MUC3A: variants seen among roughly 807,000 people sequenced by gnomAD.
MUC3A encodes mucin-3A.
Under a neutral mutation model 109.0 loss-of-function variants are expected in MUC3A, and 109 were observed. The ratio of observed to expected loss-of-function variants is 1.00; its 90% CI spans 0.86 to 1.17. MUC3A has a LOEUF of 1.17. Ranked by LOEUF, MUC3A falls within the 50% of genes most tolerant of loss-of-function variation. MUC3A has a pLI of 0.00. For missense variants in MUC3A, 3,537 were observed against 2,469.4 expected, an observed-to-expected ratio of 1.43 and a Z score of -9.16; for synonymous variants, 1,398 against 981.4, an observed-to-expected ratio of 1.42 and a Z score of -7.93.
chr7:100,958,871 C>T lies in MUC3A; in HGVS notation c.7092C>T (p.Thr2364=). 6.3e-7 allele frequency: 1 copy of T among 1,593,362 alleles called. No individual in the cohort carries two copies. Among genetic ancestry groups the T allele is most frequent in the Non-Finnish European group, 8.5e-7 (1 of 1,176,266 alleles). Residue 2364 remains threonine (T), a synonymous_variant, in exon 2 of 12, where the codon ACC becomes ACT. Transcript: ENST00000379458. Reference sequence around the variant, plus strand: ...CCAGCTTCACTTCTTCGATCACCACCACCGAGACCACCTCACACAGTACTC... The same window carrying T: ...CCAGCTTCACTTCTTCGATCACCACTACCGAGACCACCTCACACAGTACTC... ...STTSFTSSIT[T]TETTSHSTPS... is the part of the protein sequence containing the mutation.
chr7:100,958,646 C>G lies in MUC3A; in HGVS notation c.6867C>G (p.Ser2289Arg), dbSNP rs74978502. The change falls in exon 2 of 12, where the codon AGC becomes AGG. Residue 2289 changes from serine (S) to arginine (R), a missense_variant. Coordinates refer to ENST00000379458, the MANE Select transcript of MUC3A (RefSeq NM_005960.2). ...TSETPSHSTPSSTSLITTTKT... is the reference protein window; with the variant it reads ...TSETPSHSTPRSTSLITTTKT... ...AGACCCCCTCACACAGTACTCCCAG[C>G]TCCACTTCTTTAATCACCACCACCA... The G allele has an allele frequency of 4.5e-6, 6 of 1,339,762 alleles. No homozygotes were observed. The highest frequency in any genetic ancestry group is 5.9e-6 in the Non-Finnish European group (6 of 1,009,784). 83.0% of individuals were successfully genotyped at this position (1,339,762 alleles called of 1,614,324 possible).
At position 100,955,190 on chromosome 7, in the gene MUC3A, A is replaced by G; in HGVS notation, c.3411A>G (p.Thr1137=). ...TTETATMTPT[T]TLITTTPNTT... is the part of the protein sequence containing the mutation. ...AAACAGCCACGATGACTCCTACCACAACCTTGATAACCACCACCCCTAATA... is the reference window on the plus strand; with the variant it reads ...AAACAGCCACGATGACTCCTACCACGACCTTGATAACCACCACCCCTAATA... The change falls in exon 2 of 12, where the codon ACA becomes ACG. Residue 1137 remains threonine (T), a synonymous_variant. Transcript: ENST00000379458. The G allele has an allele frequency of 2.0e-6, 1 of 491,584 alleles. No individual in the cohort carries two copies. The allele number at this position is 491,584 out of a possible 1,614,324, so 30.5% of individuals were successfully genotyped here.
chr7:100,958,463 CACT>C lies in MUC3A; in HGVS notation c.6685_6687del (p.Thr2229del), dbSNP rs1792164577. 2.9e-6 allele frequency: 4 copies of C among 1,372,612 alleles called. No individual in the cohort carries two copies. Among genetic ancestry groups the C allele is most frequent in the Non-Finnish European group, 4.1e-6 (4 of 975,402 alleles). 85.0% of individuals were successfully genotyped at this position (1,372,612 alleles called of 1,614,324 possible). On this transcript the variant is annotated inframe_deletion, in exon 2 of 12. Coordinates refer to ENST00000379458, the MANE Select transcript of MUC3A (RefSeq NM_005960.2). ...CCAGCTTCAGTTCTTCGATCACCAC[CACT>C]GAGACCACATCCCACAGTACTCCCG...
chr7:100,952,287 G>C lies in MUC3A; in HGVS notation c.508G>C (p.Val170Leu), dbSNP rs756522792. The change falls in exon 2 of 12, where the codon GTC (valine) becomes CTC (leucine). Residue 170 changes from valine to leucine, a missense_variant. Val to Leu is a conservative substitution (Grantham distance 32). Coordinates refer to ENST00000379458, the MANE Select transcript of MUC3A (RefSeq NM_005960.2). ...CGTGACACAGAAGCCAGTGACCACCGTCACCAGTACTTACTCTATGACCAC... is the reference window on the plus strand; with the variant it reads ...CGTGACACAGAAGCCAGTGACCACCCTCACCAGTACTTACTCTATGACCAC... The part of the protein sequence containing the change: ...TPVTQKPVTT[V>L]TSTYSMTTTE... 6.3e-7 allele frequency: 1 copy of C among 1,598,376 alleles called. No individual in the cohort carries two copies. Among genetic ancestry groups the C allele is most frequent in the African/African-American group, 1.3e-5 (1 of 74,956 alleles).
intron 6 of MUC3A, 119 bp from the exon 7 acceptor site, chr7:100,965,163 C>G: frequency 7.0e-7 from 1 of 1,437,776 alleles, no homozygotes; most frequent in Admixed American, 2.1e-5. Flanking sequence ...AGAGGGCTCT[C>G]CCAGACGGAG....
rs1376164015 is a variant in MUC3A, at chr7:100,957,917, G to A, written c.6138G>A (p.Ser2046=). The stretch of plus-strand genomic sequence containing the variant: ...ATAGTACTCCCAGCTTCACTTCTTC[G>A]ATCACCACCGAGACCACATCCCACA... ...TSHSTPSFTS[S]ITTETTSHST... The change falls in exon 2 of 12, where the codon TCG becomes TCA. Residue 2046 remains serine (S), a synonymous_variant. Transcript: ENST00000379458. The A allele has an allele frequency of 6.2e-3, 602 of 96,734 alleles. No individual in the cohort carries two copies. The highest frequency in any genetic ancestry group is 0.015 in the African/African-American group (50 of 3,250). The allele number at this position is 96,734 out of a possible 1,614,324, so 6.0% of individuals were successfully genotyped here.
In MUC3A at chr7:100,963,755, A is replaced by C. The variant is rs547892280; in HGVS notation, c.9233+3A>C. ...GGTGTGGAGATCCTGTCCCTGAGGT[A>C]GGAGACCCATCTGGGGATGCGGAGG... On this transcript the variant is annotated splice_donor_region_variant and intron_variant, in intron 5 of 11. Coordinates refer to ENST00000379458, the MANE Select transcript of MUC3A (RefSeq NM_005960.2). The C allele has an allele frequency of 5.0e-6, 8 of 1,598,574 alleles. No individual in the cohort carries two copies. In the African/African-American group the frequency reaches 9.3e-5, roughly 19 times the overall value.
chr7:100,958,904 C>T lies in MUC3A; in HGVS notation c.7125C>T (p.Phe2375=), dbSNP rs529824525. Residue 2375 remains phenylalanine (F), a synonymous_variant, in exon 2 of 12, where the codon TTC becomes TTT. Transcript: ENST00000379458. ...CCACCTCACACAGTACTCCCAGCTT[C>T]AGTTCTTCAATCACCACCACTGAGA... ...TETTSHSTPS[F]SSSITTTETP... is the part of the protein sequence containing the mutation. 11 of 1,484,458 alleles carry T rather than the reference C, an allele frequency of 7.4e-6. No individual in the cohort carries two copies. The East Asian group carries it at 2.0e-4, about 27-fold the overall frequency. The allele number at this position is 1,484,458 out of a possible 1,614,324, so 92.0% of individuals were successfully genotyped here. A position where few individuals can be genotyped will look rare whatever the true frequency, so the allele number is the denominator to read the frequency against.
Position 100,953,931 on chromosome 7 carries a change from C to G in MUC3A, c.2152C>G (p.Pro718Ala). The G allele has an allele frequency of 2.2e-6, 1 of 447,716 alleles. No individual in the cohort carries two copies. Among genetic ancestry groups the G allele is most frequent in the Non-Finnish European group, 3.9e-6 (1 of 256,370 alleles). The allele number at this position is 447,716 out of a possible 1,614,324, so 27.7% of individuals were successfully genotyped here. ...ETTYPNSPTG[P>A]GTNSTTEITY... ...CACCTATCCTAATTCTCCGACTGGT[C>G]CTGGTACAAACTCCACGACGGAAAT... Residue 718 changes from proline (P) to alanine (A), a missense_variant, in exon 2 of 12, where the codon CCT (proline) becomes GCT (alanine). Physicochemically the swap from Pro to Ala is conservative, Grantham distance 27 (BLOSUM62 -1). Transcript: ENST00000379458.
rs1385430865 is a variant in MUC3A at position 100,959,770 on chromosome 7, C to G, written c.7991C>G (p.Thr2664Ser). ...STSEFTTESF[T>S]RGSTSTNAIL... ...AGTGAGTTCACTACAGAATCTTTCA[C>G]TAGGGGAAGTACGTCTACAAATGCA... The change falls in exon 2 of 12, where the codon ACT (threonine) becomes AGT (serine). Residue 2664 changes from threonine to serine, a missense_variant. Physicochemically the swap from Thr to Ser is moderately conservative, Grantham distance 58. Transcript: ENST00000379458. 6.3e-7 allele frequency: 1 copy of G among 1,597,828 alleles called. No individual in the cohort carries two copies. The highest frequency in any genetic ancestry group is 1.7e-5 in the Admixed American group (1 of 59,976).
Position 100,952,772 on chromosome 7 carries a change from A to G in MUC3A, c.993A>G (p.Thr331=). Residue 331 remains threonine, a synonymous_variant, in exon 2 of 12, where the codon ACA becomes ACG. Transcript: ENST00000379458. ...LPTTISRSTP[T]SETTYTTSPT... ...CTACCATCAGCAGGTCTACACCTAC[A>G]TCTGAGACCACCTACACTACTTCTC... 2 of 1,563,804 alleles carry G rather than the reference A, an allele frequency of 1.3e-6. No individual in the cohort carries two copies. The highest frequency in any genetic ancestry group is 1.7e-6 in the Non-Finnish European group (2 of 1,162,304).
Position 100,967,636 on chromosome 7 carries a change from C to A in MUC3A, c.*474C>A, listed in dbSNP as rs1421427960. The A allele has an allele frequency of 3.8e-6, 1 of 259,926 alleles. No individual in the cohort carries two copies. Among genetic ancestry groups the A allele is most frequent in the Non-Finnish European group, 7.4e-6 (1 of 135,080 alleles). The allele number at this position is 259,926 out of a possible 1,614,324, so 16.1% of individuals were successfully genotyped here. ...CTACTGCCTGTTTCTTACTTTGAAC[C>A]TGGAGGCAGCCTGCAGCCCCATCCC... On this transcript the variant is annotated 3_prime_UTR_variant, in exon 12 of 12. Transcript: ENST00000379458.
chr7:100,951,447 G>C (rs1048901591), intron 1 of MUC3A, among the ~76,000 whole-genome samples: 1 of 2,268 alleles, frequency 4.4e-4, no homozygotes, highest in Non-Finnish European at 9.5e-4. Flanking sequence ...AGGTTAATGG[G>C]GGGATGGGAG....
Position 100,958,469 on chromosome 7 carries a change from G to A in MUC3A, c.6690G>A (p.Glu2230=). The part of the protein sequence containing the change: ...PSFSSSITTT[E]TTSHSTPGFT... ...TCAGTTCTTCGATCACCACCACTGAGACCACATCCCACAGTACTCCCGGCT... is the reference window on the plus strand; with the variant it reads ...TCAGTTCTTCGATCACCACCACTGAAACCACATCCCACAGTACTCCCGGCT... Residue 2230 remains glutamate, a synonymous_variant, in exon 2 of 12, where the codon GAG becomes GAA. Coordinates refer to ENST00000379458, the MANE Select transcript of MUC3A (RefSeq NM_005960.2). The A allele has an allele frequency of 3.1e-6, 2 of 651,842 alleles. No homozygotes were observed. Among genetic ancestry groups the A allele is most frequent in the Admixed American group, 5.6e-5 (2 of 35,706 alleles). 40.4% of individuals were successfully genotyped at this position (651,842 alleles called of 1,614,324 possible).
Position 100,960,218 on chromosome 7 carries a change from C to A in MUC3A, c.8439C>A (p.Val2813=). The A allele has an allele frequency of 6.3e-7, 1 of 1,596,460 alleles. No homozygotes were observed. Among genetic ancestry groups the A allele is most frequent in the Non-Finnish European group, 8.5e-7 (1 of 1,178,192 alleles). ...LTVFPFTTEM[V]TCPTSISIQT... is the part of the protein sequence containing the mutation. ...TCTTTCCCTTTACTACCGAAATGGT[C>A]ACCTGTCCTACCTCCATCAGTATCC... is the stretch of plus-strand genomic sequence containing the variant. The change falls in exon 2 of 12, where the codon GTC becomes GTA. Residue 2813 remains valine, a synonymous_variant. Coordinates refer to ENST00000379458, the MANE Select transcript of MUC3A (RefSeq NM_005960.2).
rs767843766 is a variant in MUC3A at position 100,965,251 on chromosome 7, G to A, written c.9383-31G>A. ...TGACCTTAACCCCTTGATCTGCCCC[G>A]CCCATTCCATCTGTGCCTGTGTTTC... On this transcript the variant is annotated intron_variant, in intron 6 of 11. Transcript: ENST00000379458. The A allele has an allele frequency of 1.3e-5, 21 of 1,596,074 alleles. No individual in the cohort carries two copies. In the Middle Eastern group the frequency reaches 5.0e-4, roughly 38 times the overall value.
At chr7:100,964,935 C>T in intron 6 of MUC3A, 92 bp downstream of exon 6, 1 of 1,479,392 alleles carries the variant, frequency 6.8e-7, no homozygotes, top group Non-Finnish European at 9.0e-7. Context: ...CAGGTGCCAG[C>T]CCTGTGGTAC....
chr7:100,966,016 C>A, intron 8 of MUC3A, 150 bp downstream of exon 8: 1 of 1,307,086 alleles, frequency 7.7e-7, no homozygotes, highest in Non-Finnish European at 1.0e-6. Context: ...CCCCGTTGCC[C>A]TACAGTGGAG....
In MUC3A at chr7:100,959,786, T is replaced by C; in HGVS notation, c.8007T>C (p.Ser2669=). ...AATCTTTCACTAGGGGAAGTACGTCTACAAATGCAATCTTGACTTCTTTTA... is the reference window on the plus strand; with the variant it reads ...AATCTTTCACTAGGGGAAGTACGTCCACAAATGCAATCTTGACTTCTTTTA... ...TTESFTRGST[S]TNAILTSFST... is the part of the protein sequence containing the mutation. The change falls in exon 2 of 12, where the codon TCT becomes TCC. Residue 2669 remains serine (S), a synonymous_variant. Coordinates refer to ENST00000379458, the MANE Select transcript of MUC3A (RefSeq NM_005960.2). 6.3e-7 allele frequency: 1 copy of C among 1,596,274 alleles called. No individual in the cohort carries two copies. Among genetic ancestry groups the C allele is most frequent in the Non-Finnish European group, 8.5e-7 (1 of 1,178,620 alleles).
Sources: allele counts gnomAD v4.1 joint callset (sites outside exome capture counted in the v4.1 genomes callset), GRCh38; gene constraint gnomAD v4.1.1; transcripts MANE v1.5; gene names NCBI Gene and HGNC (gene_info 2026-07-23, HGNC 2026-07-21).